ZMYM4: variants seen among roughly 807,000 people sequenced by gnomAD.
ZMYM4 encodes zinc finger MYM-type protein 4.
In ZMYM4, 31 loss-of-function variants were observed where a neutral mutation model predicts 183.2. That is an observed-to-expected ratio of 0.17 (90% confidence interval 0.13 to 0.23). The LOEUF (loss-of-function observed/expected upper bound fraction) is 0.23. Ranked by LOEUF, ZMYM4 falls within the 10% of genes least tolerant of loss-of-function variation. The pLI is 1.00. For missense variants in ZMYM4, 1,273 were observed against 1,840.3 expected, an observed-to-expected ratio of 0.69 and a Z score of 5.64; for synonymous variants, 592 against 631.2, an observed-to-expected ratio of 0.94 and a Z score of 0.93.
chr1:35,280,554 A>G (rs1337382681), intron 1 of ZMYM4, among the ~76,000 whole-genome samples: 2 of 152,210 alleles, frequency 1.3e-5, no homozygotes, highest in East Asian at 3.8e-4. Context: ...AAAATTAAAG[A>G]AATTTATCAT....
rs545381737 is a variant in ZMYM4 at position 35,326,475 on chromosome 1, C to T, written c.85+1070C>T. Among the ~76,000 whole-genome samples the T allele has an allele frequency of 9.8e-5, 15 of 152,288 alleles. No homozygotes were observed. In the South Asian group the frequency reaches 2.9e-3, roughly 29 times the overall value. ...CAGTTCAGAAACAAACAATAATAAA[C>T]ATGATGGGCTCACTGAGTGCATCAT... On this transcript the variant is annotated intron_variant, in intron 2 of 29. Transcript: ENST00000314607.
At chr1:35,350,507 G>A (rs150381534) in intron 2 of ZMYM4, among the ~76,000 whole-genome samples, 2 of 152,104 alleles carry the variant, frequency 1.3e-5, no homozygotes, top group Non-Finnish European at 2.9e-5. Flanking sequence ...GGCTGGTCTC[G>A]AACTCCTGAC....
chr1:35,286,281 A>G lies in ZMYM4; in HGVS notation c.39+17196A>G, dbSNP rs552201278. Among the ~76,000 whole-genome samples, 3 of 152,158 alleles carry G rather than the reference A, an allele frequency of 2.0e-5. No individual in the cohort carries two copies. In the South Asian group the frequency reaches 6.2e-4, roughly 32 times the overall value. ...CCCAAAAGGAAATTTTAAGAAAACA[A>G]TTTCATTTACATTAGAGTCAAGAAG... On this transcript the variant is annotated intron_variant, in intron 1 of 29. Coordinates refer to ENST00000314607, the MANE Select transcript of ZMYM4 (RefSeq NM_005095.3).
At chr1:35,320,902 C>A (rs1320711149) in intron 1 of ZMYM4, among the ~76,000 whole-genome samples, 2 of 152,066 alleles carry the variant, frequency 1.3e-5, no homozygotes, top group Non-Finnish European at 2.9e-5. Context: ...GATTTCTAAT[C>A]CTTTATAGAA....
At chr1:35,351,406 G>T (rs895702845) in intron 2 of ZMYM4, 148 of 1,573,620 alleles carry the variant, frequency 9.4e-5, no homozygotes, top group Non-Finnish European at 1.3e-4. Flanking sequence ...ATAAAGAACA[G>T]CGTAACTCCA....
chr1:35,393,547 A>G (rs1373337418), intron 17 of ZMYM4, 48 bp from the exon 18 acceptor site: 2 of 1,500,374 alleles, frequency 1.3e-6, no homozygotes, highest in East Asian at 4.7e-5. Context: ...TATAATTACA[A>G]TGAGATTTTT....
intron 1 of ZMYM4, among the ~76,000 whole-genome samples, chr1:35,272,129 C>T (rs1639639336): frequency 1.3e-5 from 2 of 151,996 alleles, no homozygotes; most frequent in Admixed American, 1.3e-4. Context: ...TATGTATACT[C>T]CAAGCCGATT....
At chr1:35,330,210 C>T (rs1349896871) in intron 2 of ZMYM4, among the ~76,000 whole-genome samples, 3 of 139,194 alleles carry the variant, frequency 2.2e-5, no homozygotes, top group Admixed American at 1.4e-4. Context: ...AAGACCCTGT[C>T]TCAAAATATA....
intron 5 of ZMYM4, among the ~76,000 whole-genome samples, chr1:35,362,542 G>T (rs900622643): frequency 9.2e-5 from 14 of 152,134 alleles, no homozygotes; most frequent in African/African-American, 3.4e-4. Context: ...ATTATTTGAG[G>T]GTATCTGTGT....
intron 1 of ZMYM4, among the ~76,000 whole-genome samples, chr1:35,314,715 G>A (rs1429127651): frequency 1.9e-5 from 1 of 53,280 alleles, no homozygotes; most frequent in Admixed American, 2.7e-4. Context: ...CTTAACTTTT[G>A]TGAAAAGAAG....
intron 1 of ZMYM4, among the ~76,000 whole-genome samples, chr1:35,291,924 C>T (rs1195337755): frequency 1.3e-5 from 2 of 152,054 alleles, no homozygotes; most frequent in African/African-American, 2.4e-5. Context: ...CATGAGCCAC[C>T]GTGCCCAGCC....
At chr1:35,335,106 C>T (rs567467447) in intron 2 of ZMYM4, among the ~76,000 whole-genome samples, 1 of 152,222 alleles carries the variant, frequency 6.6e-6, no homozygotes, top group African/African-American at 2.4e-5. Context: ...TAGCCATCAT[C>T]CTGAATTTTG....
In ZMYM4 at chr1:35,388,829, C is replaced by T. The variant is rs1054240056; in HGVS notation, c.2264-81C>T. 5 of 1,332,528 alleles carry T rather than the reference C, an allele frequency of 3.8e-6. No homozygotes were observed. In the African/African-American group the frequency reaches 7.3e-5, roughly 20 times the overall value. The allele number at this position is 1,332,528 out of a possible 1,614,324, so 82.5% of individuals were successfully genotyped here. On this transcript the variant is annotated intron_variant, in intron 13 of 29. Transcript: ENST00000314607. The stretch of plus-strand genomic sequence containing the variant: ...GGGATTACAGGTGTGAGCCACTGCA[C>T]CGGGCCTGTCCTAGGCCATTTAAAG...
chr1:35,382,959 T>C (rs1644498384), intron 9 of ZMYM4, among the ~76,000 whole-genome samples: 1 of 152,186 alleles, frequency 6.6e-6, no homozygotes, highest in Admixed American at 6.5e-5. Flanking sequence ...AGTGTTGAAA[T>C]CTGATTCACA....
In ZMYM4 at chr1:35,396,613, C is replaced by T; in HGVS notation, c.2973C>T (p.Pro991=). The T allele has an allele frequency of 6.2e-7, 1 of 1,613,870 alleles. No homozygotes were observed. The highest frequency in any genetic ancestry group is 8.5e-7 in the Non-Finnish European group (1 of 1,179,776). ...CAGTTCCCGTACCAGTGTTTGTTCC[C>T]ATACCTCTTCACCTTTATACTCAAT... ...VVPVPVPVFV[P]IPLHLYTQYA... The change falls in exon 19 of 30, where the codon CCC becomes CCT. Residue 991 remains proline (P), a synonymous_variant. Transcript: ENST00000314607.
At chr1:35,281,880 C>T (rs1436098268) in intron 1 of ZMYM4, among the ~76,000 whole-genome samples, 1 of 152,130 alleles carries the variant, frequency 6.6e-6, no homozygotes. Context: ...GTTGCCTATT[C>T]TAGATATTTC....
intron 5 of ZMYM4, among the ~76,000 whole-genome samples, chr1:35,367,858 C>G (rs1644124445): frequency 6.6e-6 from 1 of 152,042 alleles, no homozygotes; most frequent in Non-Finnish European, 1.5e-5. Context: ...CACCTGTAAT[C>G]TCAGCTACTG....
rs1640266726 is a variant in ZMYM4 at position 35,419,843 on chromosome 1, TTGAAGGAAAGAATA to T, written c.*171_*184del. 1 of 663,122 alleles carries T rather than the reference TTGAAGGAAAGAATA, an allele frequency of 1.5e-6. No individual in the cohort carries two copies. Among genetic ancestry groups the T allele is most frequent in the African/African-American group, 1.8e-5 (1 of 54,976 alleles). 41.1% of individuals were successfully genotyped at this position (663,122 alleles called of 1,614,324 possible). A position where few individuals can be genotyped will look rare whatever the true frequency, so the allele number is the denominator to read the frequency against. On this transcript the variant is annotated 3_prime_UTR_variant, in exon 30 of 30. Transcript: ENST00000314607. Reference sequence around the variant, plus strand: ...CACAGTGTGGATGTGCAAATGAAAATTGAAGGAAAGAATATGAACTGAGAAATGTTCTTTGGCAG... The same window carrying T: ...CACAGTGTGGATGTGCAAATGAAAATTGAACTGAGAAATGTTCTTTGGCAG...
intron 2 of ZMYM4, among the ~76,000 whole-genome samples, chr1:35,334,215 A>G (rs1642880832): frequency 6.6e-6 from 1 of 152,138 alleles, no homozygotes; most frequent in Admixed American, 6.6e-5. Context: ...GCTACTTGAG[A>G]GGCTGAGGTG....
Sources: allele counts gnomAD v4.1 joint callset (sites outside exome capture counted in the v4.1 genomes callset), GRCh38; gene constraint gnomAD v4.1.1; transcripts MANE v1.5; gene names NCBI Gene and HGNC (gene_info 2026-07-23, HGNC 2026-07-21).